Variants in TRAPPC6B observed in about 807,000 individuals in gnomAD.
TRAPPC6B encodes the protein TRAPP complex subunit 6B.
A neutral mutation model predicts 24.7 loss-of-function variants in TRAPPC6B; 27 were observed. The ratio of observed to expected loss-of-function variants is 1.09; its 90% confidence interval spans 0.81 to 1.51. The LOEUF (loss-of-function observed/expected upper bound fraction) is 1.51, where lower values mean the gene tolerates loss of function less well. TRAPPC6B is among the 40% of genes most tolerant of loss of function. The pLI, the probability that TRAPPC6B is intolerant of heterozygous loss-of-function variation, is 0.00. For missense variants in TRAPPC6B, 212 were observed against 190.8 expected, an observed-to-expected ratio of 1.11 and a Z score of -0.66; for synonymous variants, 80 against 66.6, an observed-to-expected ratio of 1.20 and a Z score of -0.98.
At position 39,166,615 on chromosome 14, in the gene TRAPPC6B, G is replaced by A. The variant is rs569729372; in HGVS notation, c.81+3400C>T. 2.5e-4 allele frequency among the ~76,000 whole-genome samples: 38 copies of A among 151,842 alleles called. No homozygotes were observed. In the South Asian group the frequency reaches 7.7e-3, roughly 31 times the overall value. On this transcript the variant is annotated intron_variant, in intron 1 of 5. Transcript: ENST00000330149. Reference sequence around the variant, plus strand: ...AACTAATGAAAGACTATAAGGTTAGGCTTATGAGAGGGGTCTGAATTCTGC... The same window carrying A: ...AACTAATGAAAGACTATAAGGTTAGACTTATGAGAGGGGTCTGAATTCTGC...
rs1410888020 is a variant in TRAPPC6B at position 39,164,300 on chromosome 14, T to C, written c.82-4750A>G. Among the ~76,000 whole-genome samples the C allele has an allele frequency of 4.6e-5, 7 of 152,206 alleles. No individual in the cohort carries two copies. The East Asian group carries it at 1.4e-3, about 29-fold the overall frequency. On this transcript the variant is annotated intron_variant, in intron 1 of 5. Coordinates refer to ENST00000330149, the MANE Select transcript of TRAPPC6B (RefSeq NM_001079537.2). ...GAGGTCAGGAGTTCGAGACCAGCTT[T>C]ACCGACACGGAAAAACCCCATCTCT...
intron 1 of TRAPPC6B, among the ~76,000 whole-genome samples, chr14:39,165,931 G>C (rs549472779): frequency 2.6e-4 from 40 of 152,242 alleles, no homozygotes; most frequent in African/African-American, 9.6e-4. Flanking sequence ...AGCCTCCCGA[G>C]TAGCTGGGAC....
chr14:39,165,390 C>T (rs1289219777), intron 1 of TRAPPC6B, among the ~76,000 whole-genome samples: 1 of 152,132 alleles, frequency 6.6e-6, no homozygotes, highest in Admixed American at 6.5e-5. Flanking sequence ...TCCCAGATGG[C>T]TTCCCTGAAA....
At chr14:39,162,183 A>G (rs2053066458) in intron 1 of TRAPPC6B, among the ~76,000 whole-genome samples, 1 of 152,178 alleles carries the variant, frequency 6.6e-6, no homozygotes, top group Non-Finnish European at 1.5e-5. Flanking sequence ...TATTTATTTG[A>G]CAAGTCTTGC....
Position 39,170,192 on chromosome 14 carries a change from T to A in TRAPPC6B, c.-97A>T. On this transcript the variant is annotated 5_prime_UTR_variant, in exon 1 of 6. Coordinates refer to ENST00000330149, the MANE Select transcript of TRAPPC6B (RefSeq NM_001079537.2). ...TCAGCGACTTCGCCGGCGCCGCGGC[T>A]CCGTCAGGCCGCCATTCTATCCCTG... 1 of 1,189,640 alleles carries A rather than the reference T, an allele frequency of 8.4e-7. No homozygotes were observed. Among genetic ancestry groups the A allele is most frequent in the Non-Finnish European group, 1.2e-6 (1 of 815,704 alleles). 73.7% of individuals were successfully genotyped at this position (1,189,640 alleles called of 1,614,324 possible).
Position 39,148,752 on chromosome 14 carries a change from C to T in TRAPPC6B, c.*1598G>A. ...CCAAAACATGTGAGAATTAGGATTG[C>T]AGTCATGCATTGCTTAGCAAAGGGG... is the stretch of plus-strand genomic sequence containing the variant. On this transcript the variant is annotated 3_prime_UTR_variant, in exon 6 of 6. Coordinates refer to ENST00000330149, the MANE Select transcript of TRAPPC6B (RefSeq NM_001079537.2). The T allele has an allele frequency of 2.5e-6, 1 of 398,358 alleles. No homozygotes were observed. The highest frequency in any genetic ancestry group is 4.4e-6 in the Non-Finnish European group (1 of 225,972). The allele number at this position is 398,358 out of a possible 1,614,324, so 24.7% of individuals were successfully genotyped here. A position where few individuals can be genotyped will look rare whatever the true frequency, so the allele number is the denominator to read the frequency against.
chr14:39,159,539 T>C lies in TRAPPC6B; in HGVS notation c.93A>G (p.Arg31=), dbSNP rs760834484. 2.6e-5 allele frequency: 41 copies of C among 1,603,350 alleles called. No individual in the cohort carries two copies. Among genetic ancestry groups the C allele is most frequent in the Middle Eastern group, 1.7e-4 (1 of 6,058 alleles). ...SAEQGEVENG[R]CITKLENMGF... The stretch of plus-strand genomic sequence containing the variant: ...CCATGTTTTCCAGCTTAGTAATACA[T>C]CGTCCGTTTTCCTATTTTAAAAAAC... The change falls in exon 2 of 6, where the codon CGA becomes CGG. Residue 31 remains arginine, a synonymous_variant. Transcript: ENST00000330149.
intron 1 of TRAPPC6B, among the ~76,000 whole-genome samples, chr14:39,163,050 C>G (rs1427070243): frequency 1.3e-5 from 2 of 150,644 alleles, no homozygotes; most frequent in African/African-American, 2.5e-5. Flanking sequence ...ACATCATACC[C>G]CTTTGGCAAC....
Position 39,150,109 on chromosome 14 carries a change from A to C in TRAPPC6B, c.*241T>G. ...TAACCAAATAAAAAGGTTTAAAATA[A>C]GGGCCCTGCATCTTGGTGTCTGGTT... On this transcript the variant is annotated 3_prime_UTR_variant, in exon 6 of 6. Transcript: ENST00000330149. 2 of 388,552 alleles carry C rather than the reference A, an allele frequency of 5.1e-6. No individual in the cohort carries two copies. Among genetic ancestry groups the C allele is most frequent in the East Asian group, 4.7e-5 (1 of 21,440 alleles). The allele number at this position is 388,552 out of a possible 1,614,324, so 24.1% of individuals were successfully genotyped here. A position where few individuals can be genotyped will look rare whatever the true frequency, so the allele number is the denominator to read the frequency against.
At chr14:39,162,019 ACTTGT>A (rs2139386192) in intron 1 of TRAPPC6B, among the ~76,000 whole-genome samples, 1 of 152,308 alleles carries the variant, frequency 6.6e-6, no homozygotes, top group East Asian at 1.9e-4. Context: ...ATTTACAAGC[ACTTGT>A]CTTGGCTTGG....
At chr14:39,154,364 T>C in intron 3 of TRAPPC6B, 70 bp from the exon 4 acceptor site, 1 of 951,866 alleles carries the variant, frequency 1.1e-6, no homozygotes, top group Non-Finnish European at 1.6e-6. Context: ...TTTATTCTTA[T>C]GAAACAATTT....
intron 4 of TRAPPC6B, among the ~76,000 whole-genome samples, chr14:39,152,394 T>C (rs748239715): frequency 5.9e-5 from 9 of 152,116 alleles, no homozygotes; most frequent in Admixed American, 4.6e-4. Flanking sequence ...GTTTGGACGT[T>C]GAGAAACCCT....
chr14:39,154,335 T>C (rs1481883065), intron 3 of TRAPPC6B, 41 bp from the exon 4 acceptor site: 1 of 1,115,596 alleles, frequency 9.0e-7, no homozygotes, highest in East Asian at 2.4e-5. Context: ...TCAATGTACC[T>C]AGCAGTCCTT....
Position 39,147,824 on chromosome 14 carries a change from T to C in TRAPPC6B, c.*2526A>G, listed in dbSNP as rs1767684286. Reference sequence around the variant, plus strand: ...ATCACGAAAGTATTATCACATTTTCTTTAGTACTTTATTGTTTTACAAGTG... The same window carrying C: ...ATCACGAAAGTATTATCACATTTTCCTTAGTACTTTATTGTTTTACAAGTG... On this transcript the variant is annotated 3_prime_UTR_variant, in exon 6 of 6. Coordinates refer to ENST00000330149, the MANE Select transcript of TRAPPC6B (RefSeq NM_001079537.2). 6.6e-6 allele frequency: 1 copy of C among 152,236 alleles called. No homozygotes were observed. The highest frequency in any genetic ancestry group is 2.4e-5 in the African/African-American group (1 of 41,462). 9.4% of individuals were successfully genotyped at this position (152,236 alleles called of 1,614,324 possible).
intron 1 of TRAPPC6B, among the ~76,000 whole-genome samples, chr14:39,164,705 C>T (rs1448123438): frequency 1.3e-5 from 2 of 151,982 alleles, no homozygotes; most frequent in East Asian, 3.9e-4. Context: ...AACATGGTGG[C>T]ATGCACCTAT....
rs77672075 is a variant in TRAPPC6B, at chr14:39,162,231, G to A, written c.82-2681C>T. Among the ~76,000 whole-genome samples the A allele has an allele frequency of 5.3e-4, 80 of 152,252 alleles. 3 individuals carry two copies. The East Asian group carries it at 0.015, about 29-fold the overall frequency. On this transcript the variant is annotated intron_variant, in intron 1 of 5. Coordinates refer to ENST00000330149, the MANE Select transcript of TRAPPC6B (RefSeq NM_001079537.2). ...GCTGCAGTGCACTGGCGAGATCATG[G>A]TTCATTGAAGCTTTAAATTCCTGGG...
At chr14:39,151,887 G>A (rs2052919882) in intron 4 of TRAPPC6B, 48 bp from the exon 5 acceptor site, 1 of 1,271,468 alleles carries the variant, frequency 7.9e-7, no homozygotes, top group Non-Finnish European at 1.1e-6. Context: ...TACTAAAATA[G>A]TAAAGCTATT....
Position 39,152,415 on chromosome 14 carries a change from A to G in TRAPPC6B, c.352-576T>C, listed in dbSNP as rs563895784. The stretch of plus-strand genomic sequence containing the variant: ...ACGTTGAGAAACCCTGTCATATAGA[A>G]ACAAAGAAAGGGAATAGGGCTGAGC... On this transcript the variant is annotated intron_variant, in intron 4 of 5. Coordinates refer to ENST00000330149, the MANE Select transcript of TRAPPC6B (RefSeq NM_001079537.2). Among the ~76,000 whole-genome samples the G allele has an allele frequency of 2.6e-5, 4 of 152,330 alleles. No individual in the cohort carries two copies. The South Asian group carries it at 8.3e-4, about 32-fold the overall frequency.
At chr14:39,159,058 G>A (rs1317775048) in intron 2 of TRAPPC6B, 2 of 152,396 alleles carry the variant, frequency 1.3e-5, no homozygotes, top group Non-Finnish European at 2.9e-5. Context: ...TAGTGAGAAA[G>A]AAATACTAAA....
Sources: allele counts gnomAD v4.1 joint callset (sites outside exome capture counted in the v4.1 genomes callset), GRCh38; gene constraint gnomAD v4.1.1; transcripts MANE v1.5; gene names NCBI Gene and HGNC (gene_info 2026-07-23, HGNC 2026-07-21).